ENTPD4: variants seen among roughly 807,000 people sequenced by gnomAD.
ENTPD4 encodes ectonucleoside triphosphate diphosphohydrolase 4, also known as Golgi UDPase.
ENTPD4 carries 60 observed loss-of-function variants against 79.1 expected under a neutral mutation model. The observed-to-expected ratio is 0.76, with a 90% confidence interval of 0.62 to 0.94. The LOEUF is 0.94. Among genes scored for constraint, ENTPD4 ranks in the 40% least tolerant of loss-of-function variants. The pLI is 0.00. For synonymous variants in ENTPD4, 276 were observed against 292.0 expected (o/e 0.95, Z 0.56); for missense variants, 772 against 775.1 (o/e 1.00, Z 0.05).
At chr8:23,449,422 A>G (rs901511290) in intron 2 of ENTPD4, among the ~76,000 whole-genome samples, 1 of 152,336 alleles carries the variant, frequency 6.6e-6, no homozygotes, top group African/African-American at 2.4e-5. Context: ...CTCAGGAGGA[A>G]CAAATTTTCT....
rs115273243 is a variant in ENTPD4 at position 23,430,585 on chromosome 8, G to A, written c.*2341C>T. Reference sequence around the variant, plus strand: ...TAGTGTCTGCTGCATATTCTTCAACGTTTTTTCTTAGGCAACTGTTTAAAA... The same window carrying A: ...TAGTGTCTGCTGCATATTCTTCAACATTTTTTCTTAGGCAACTGTTTAAAA... On this transcript the variant is annotated 3_prime_UTR_variant, in exon 13 of 13. Transcript: ENST00000358689. The A allele has an allele frequency of 4.4e-3, 4,357 of 984,508 alleles. 95 individuals carry two copies. In the African/African-American group the frequency reaches 0.049, roughly 11 times the overall value. 61.0% of individuals were successfully genotyped at this position (984,508 alleles called of 1,614,324 possible).
chr8:23,435,064 G>A (rs1253276160), intron 11 of ENTPD4, among the ~76,000 whole-genome samples: 1 of 152,222 alleles, frequency 6.6e-6, no homozygotes, highest in East Asian at 1.9e-4. Flanking sequence ...GAGACTCAGA[G>A]AAAGGGATGA....
intron 9 of ENTPD4, 72 bp from the exon 10 acceptor site, chr8:23,437,330 G>T: frequency 2.5e-6 from 3 of 1,207,282 alleles, no homozygotes; most frequent in Non-Finnish European, 2.3e-6. Context: ...CTGCAAACCA[G>T]TGTTTCTCAA....
chr8:23,441,869 C>T (rs562014300), intron 7 of ENTPD4, 138 bp downstream of exon 7: 4 of 1,112,404 alleles, frequency 3.6e-6, no homozygotes, highest in African/African-American at 3.1e-5. Flanking sequence ...AGTTGAATTA[C>T]GTTCAACTGC....
At position 23,447,755 on chromosome 8, in the gene ENTPD4, T is replaced by G; in HGVS notation, c.337A>C (p.Asn113His). 1 of 1,614,174 alleles carries G rather than the reference T, an allele frequency of 6.2e-7. No individual in the cohort carries two copies. Among genetic ancestry groups the G allele is most frequent in the Non-Finnish European group, 8.5e-7 (1 of 1,180,004 alleles). The change falls in exon 4 of 13, where the codon AAT (asparagine) becomes CAT (histidine). Residue 113 changes from asparagine (N) to histidine (H), a missense_variant. By Grantham distance (68) the Asn-to-His change is moderately conservative. Transcript: ENST00000358689. ...CTGATATCCAACAGATCATGTGGAT[T>G]GCCATTATGCCTTGGCCAGCAGTAA... ...FVYCWPRHNGNPHDLLDIRQM... is the reference protein window; with the variant it reads ...FVYCWPRHNGHPHDLLDIRQM...
At chr8:23,440,574 G>A (rs1368142319) in intron 8 of ENTPD4, among the ~76,000 whole-genome samples, 2 of 152,092 alleles carry the variant, frequency 1.3e-5, no homozygotes, top group African/African-American at 4.8e-5. Context: ...TTTTTACAAA[G>A]AGTGTAACAG....
intron 1 of ENTPD4, 135 bp from the exon 2 acceptor site, chr8:23,450,132 T>C: frequency 5.2e-6 from 3 of 580,044 alleles, no homozygotes; most frequent in Admixed American, 2.9e-5. Context: ...GAAGGGTTTA[T>C]TCTGAGCAAC....
At chr8:23,455,231 G>T (rs1408292001) in intron 1 of ENTPD4, among the ~76,000 whole-genome samples, 1 of 152,188 alleles carries the variant, frequency 6.6e-6, no homozygotes, top group Admixed American at 6.5e-5. Context: ...AGATGTTAGT[G>T]AACTCAAATC....
chr8:23,435,197 A>G (rs1235397845), intron 11 of ENTPD4, among the ~76,000 whole-genome samples, 195 bp downstream of exon 11: 1 of 152,208 alleles, frequency 6.6e-6, no homozygotes, highest in African/African-American at 2.4e-5. Flanking sequence ...AGAGACAGTA[A>G]AAGTGACCAA....
intron 6 of ENTPD4, among the ~76,000 whole-genome samples, chr8:23,443,465 T>C (rs1278201408): frequency 6.6e-6 from 1 of 152,220 alleles, no homozygotes; most frequent in Non-Finnish European, 1.5e-5. Flanking sequence ...GAGAATCATT[T>C]CTTTGAAAAT....
chr8:23,434,582 C>A, intron 11 of ENTPD4, 104 bp from the exon 12 acceptor site: 1 of 1,534,098 alleles, frequency 6.5e-7, no homozygotes, highest in Middle Eastern at 1.8e-4. Flanking sequence ...AGCCTTGGGG[C>A]AGGGGCTTCC....
intron 1 of ENTPD4, among the ~76,000 whole-genome samples, chr8:23,455,449 G>A (rs1189229299): frequency 6.6e-6 from 1 of 152,184 alleles, no homozygotes; most frequent in Non-Finnish European, 1.5e-5. Flanking sequence ...AGGCTGATGT[G>A]GAGGCTGCCG....
At chr8:23,436,136 G>A (rs555682597) in intron 10 of ENTPD4, among the ~76,000 whole-genome samples, 1 of 152,202 alleles carries the variant, frequency 6.6e-6, no homozygotes, top group African/African-American at 2.4e-5. Context: ...CAGGAACATG[G>A]ACATGGACAC....
At position 23,434,365 on chromosome 8, in the gene ENTPD4, T is replaced by C; in HGVS notation, c.1574A>G (p.Gln525Arg). 1 of 1,614,262 alleles carries C rather than the reference T, an allele frequency of 6.2e-7. No individual in the cohort carries two copies. The highest frequency in any genetic ancestry group is 1.3e-5 in the African/African-American group (1 of 75,074). ...TALQVYDKEV[Q>R]WTLGAILYRT... is the part of the protein sequence containing the mutation. ...GTAGAGGATGGCTCCAAGGGTCCAC[T>C]GAACCTCCTTGTCGTAAACTTGCAA... The change falls in exon 12 of 13, where the codon CAG becomes CGG. Residue 525 changes from glutamine to arginine, a missense_variant. By Grantham distance (43) the Gln-to-Arg change is conservative. Transcript: ENST00000358689.
rs1800452170 is a variant in ENTPD4, at chr8:23,431,455, A to G, written c.*1471T>C. 1.9e-5 allele frequency: 19 copies of G among 985,332 alleles called. No individual in the cohort carries two copies. The South Asian group carries it at 8.0e-4, about 41-fold the overall frequency. 61.0% of individuals were successfully genotyped at this position (985,332 alleles called of 1,614,324 possible). ...TTCTCAACTAAATAAATAGGTGAAA[A>G]AACACCAATCTCACATATGCCAATC... On this transcript the variant is annotated 3_prime_UTR_variant, in exon 13 of 13. Coordinates refer to ENST00000358689, the MANE Select transcript of ENTPD4 (RefSeq NM_004901.5).
chr8:23,435,441 G>T lies in ENTPD4; in HGVS notation c.1411C>A (p.Arg471Ser), dbSNP rs368787139. 5.0e-6 allele frequency: 8 copies of T among 1,613,930 alleles called. No individual in the cohort carries two copies. Among genetic ancestry groups the T allele is most frequent in the Non-Finnish European group, 6.8e-6 (8 of 1,179,982 alleles). Reference protein sequence around the residue: ...CATKWSILRERFDRGLYASHA... With the variant: ...CATKWSILRESFDRGLYASHA... Reference sequence around the variant, plus strand: ...GAGGCGTACAGTCCTCGGTCAAAGCGTTCCCGCAAAATGGACCACTTTGTT... The same window carrying T: ...GAGGCGTACAGTCCTCGGTCAAAGCTTTCCCGCAAAATGGACCACTTTGTT... The change falls in exon 11 of 13, where the codon CGC becomes AGC. Residue 471 changes from arginine (R) to serine (S), a missense_variant. By Grantham distance (110) the Arg-to-Ser change is moderately radical. Coordinates refer to ENST00000358689, the MANE Select transcript of ENTPD4 (RefSeq NM_004901.5).
At position 23,431,538 on chromosome 8, in the gene ENTPD4, A is replaced by G; in HGVS notation, c.*1388T>C. The G allele has an allele frequency of 1.0e-6, 1 of 985,436 alleles. No individual in the cohort carries two copies. The highest frequency in any genetic ancestry group is 1.2e-6 in the Non-Finnish European group (1 of 829,934). 61.0% of individuals were successfully genotyped at this position (985,436 alleles called of 1,614,324 possible). On this transcript the variant is annotated 3_prime_UTR_variant, in exon 13 of 13. Transcript: ENST00000358689. ...TCGAATTTTTTCCTTCAAAATGTGA[A>G]TTTATTTCCTGTATTGGATGCAGAC...
chr8:23,432,977 G>T lies in ENTPD4; in HGVS notation c.1800C>A (p.Ala600=), dbSNP rs753880920. ...RRTPRSSSAA[A]LWMEEGLPAQ... ...CGGGAAGGCCCTCCTCCATCCAGAG[G>T]GCGGCGGCCGAGCTGCTCCGGGGAG... Residue 600 remains alanine, a synonymous_variant, in exon 13 of 13, where the codon GCC becomes GCA. Coordinates refer to ENST00000358689, the MANE Select transcript of ENTPD4 (RefSeq NM_004901.5). The T allele has an allele frequency of 3.1e-6, 5 of 1,613,326 alleles. No homozygotes were observed. Among genetic ancestry groups the T allele is most frequent in the Non-Finnish European group, 2.5e-6 (3 of 1,179,636 alleles).
At chr8:23,452,647 C>G (rs1377604532) in intron 1 of ENTPD4, among the ~76,000 whole-genome samples, 1 of 152,184 alleles carries the variant, frequency 6.6e-6, no homozygotes, top group Non-Finnish European at 1.5e-5. Context: ...CAGTACTGAT[C>G]TGGGGCCTAT....
Sources: gnomAD v4.1 joint callset for allele counts (sites outside exome capture counted in the v4.1 genomes callset) on GRCh38, gnomAD v4.1.1 for gene constraint, MANE v1.5 for transcripts, NCBI Gene and HGNC (gene_info 2026-07-23, HGNC 2026-07-21) for gene names.